Variants in CCDC73 observed in about 807,000 individuals in gnomAD.
CCDC73 encodes the protein coiled-coil domain containing 73, also known as coiled-coil domain-containing protein 73.
Under a neutral mutation model 116.5 loss-of-function variants are expected in CCDC73, and 95 were observed. The observed-to-expected ratio is 0.82, with a 90% CI of 0.69 to 0.97. CCDC73 has a LOEUF of 0.97. Ranked by LOEUF, CCDC73 falls within the 50% of genes least tolerant of loss-of-function variation. The pLI, the probability that CCDC73 is intolerant of heterozygous loss-of-function variation, is 0.00. For missense variants in CCDC73, 1,066 were observed against 1,206.8 expected (o/e 0.88, Z 1.73); for synonymous variants, 398 against 401.3 (o/e 0.99, Z 0.10).
At chr11:32,663,891 G>C (rs531609773) in intron 9 of CCDC73, among the ~76,000 whole-genome samples, 1 of 152,098 alleles carries the variant, frequency 6.6e-6, no homozygotes, top group South Asian at 2.1e-4. Context: ...TAGCATGAAG[G>C]GCTGTTGAAT....
chr11:32,607,085 T>G (rs978826254), intron 17 of CCDC73, among the ~76,000 whole-genome samples: 2 of 33,790 alleles, frequency 5.9e-5, no homozygotes, highest in Admixed American at 2.0e-4. Context: ...AATAAATTTT[T>G]TTTTTTTTTT....
the CCDC73 span, among the ~76,000 whole-genome samples, chr11:32,818,754 A>G: frequency 6.6e-6 from 1 of 152,264 alleles, no homozygotes. Context: ...GATACATGCT[A>G]TAATGCACGT....
chr11:32,636,606 T>C (rs1032839850), intron 13 of CCDC73, among the ~76,000 whole-genome samples: 11 of 152,128 alleles, frequency 7.2e-5, no homozygotes, highest in Admixed American at 2.0e-4. Flanking sequence ...TGAACAATTT[T>C]AAAACTCCTA....
At position 32,614,425 on chromosome 11, in the gene CCDC73, C is replaced by A. The variant is rs374132996; in HGVS notation, c.1893G>T (p.Ser631=). The A allele has an allele frequency of 1.1e-5, 17 of 1,613,218 alleles. No homozygotes were observed. In the Admixed American group the frequency reaches 2.8e-4, roughly 27 times the overall value. The change falls in exon 16 of 18, where the codon TCG becomes TCT. Residue 631 remains serine, a synonymous_variant. Coordinates refer to ENST00000335185, the MANE Select transcript of CCDC73 (RefSeq NM_001008391.4). The part of the protein sequence containing the change: ...NSDQTKADLD[S]SLDIKKNPVP... ...CAGGATTTTTTTTTATATCTAGAGA[C>A]GAGTCCAAATCTGCTTTGGTTTGGT...
intron 2 of CCDC73, among the ~76,000 whole-genome samples, chr11:32,741,570 C>T (rs1387542707): frequency 6.6e-6 from 1 of 151,404 alleles, no homozygotes; most frequent in East Asian, 1.9e-4. Context: ...CTATGTGTGA[C>T]TTTATAGGTG....
At chr11:32,802,341 C>T in the CCDC73 span, among the ~76,000 whole-genome samples, 3 of 152,130 alleles carry the variant, frequency 2.0e-5, no homozygotes, top group African/African-American at 2.4e-5. Flanking sequence ...AATATAAAAA[C>T]ACACCAACCA....
intron 14 of CCDC73, among the ~76,000 whole-genome samples, chr11:32,620,563 A>T (rs574887750): frequency 3.0e-4 from 43 of 144,522 alleles, no homozygotes; most frequent in Middle Eastern, 7.5e-3. Context: ...GTGAGCCAAG[A>T]TCACGCCACT....
intron 3 of CCDC73, among the ~76,000 whole-genome samples, chr11:32,704,142 C>T (rs1250388908): frequency 6.6e-6 from 1 of 152,146 alleles, no homozygotes; most frequent in South Asian, 2.1e-4. Context: ...ACTAAGTTGG[C>T]GGGGCAGGAG....
rs181156627 is a variant in CCDC73 at position 32,793,664 on chromosome 11, G to T, written c.-16+949C>A. 5.3e-3 allele frequency among the ~76,000 whole-genome samples: 808 copies of T among 152,056 alleles called. 3 individuals are homozygous for T. Among genetic ancestry groups the T allele is most frequent in the Non-Finnish European group, 8.5e-3 (580 of 67,984 alleles). ...CTCGCTCTGTTGCCCAGGCTGGAGT[G>T]CAGTGGAGTGATCTAGGCTCACTGC... On this transcript the variant is annotated intron_variant, in intron 1 of 17. Transcript: ENST00000335185.
intron 9 of CCDC73, among the ~76,000 whole-genome samples, chr11:32,662,246 T>A (rs919272932): frequency 6.6e-6 from 1 of 152,232 alleles, no homozygotes; most frequent in Non-Finnish European, 1.5e-5. Context: ...TCTAGATCCT[T>A]AAGGAATCGC....
intron 14 of CCDC73, among the ~76,000 whole-genome samples, chr11:32,628,205 A>G (rs1855594536): frequency 6.6e-6 from 1 of 152,218 alleles, no homozygotes; most frequent in Non-Finnish European, 1.5e-5. Flanking sequence ...GAAAGAGGAA[A>G]AAGTGAGATG....
At chr11:32,815,036 AGAATGGT>A in the CCDC73 span, among the ~76,000 whole-genome samples, 1 of 152,218 alleles carries the variant, frequency 6.6e-6, no homozygotes, top group African/African-American at 2.4e-5. Flanking sequence ...GGAGAGAGAG[AGAATGGT>A]GAATGACTGC....
intron 2 of CCDC73, among the ~76,000 whole-genome samples, chr11:32,745,184 G>T (rs1850224562): frequency 6.6e-6 from 1 of 152,142 alleles, no homozygotes; most frequent in Admixed American, 6.5e-5. Flanking sequence ...TTCAGGAGCA[G>T]GTTGTTCAGT....
Position 32,602,980 on chromosome 11 carries a change from T to A in CCDC73, c.3071A>T (p.His1024Leu), listed in dbSNP as rs1344029324. The A allele has an allele frequency of 6.2e-7, 1 of 1,613,364 alleles. No homozygotes were observed. Among genetic ancestry groups the A allele is most frequent in the Admixed American group, 1.7e-5 (1 of 59,898 alleles). ...TTTAGTCGTCTTGATTGCCTGCAAA[T>A]GGCTTTGTAGTGGAGTTGATATCAG... ...KPLISTPLQS[H>L]LQAIKTTKNT... The change falls in exon 18 of 18, where the codon CAT becomes CTT. Residue 1024 changes from histidine (H) to leucine (L), a missense_variant. Physicochemically the swap from His to Leu is moderately conservative, Grantham distance 99 (BLOSUM62 -3). Transcript: ENST00000335185.
At chr11:32,683,510 G>A (rs1397007411) in intron 7 of CCDC73, 26 bp downstream of exon 7, 2 of 1,451,540 alleles carry the variant, frequency 1.4e-6, no homozygotes, top group Admixed American at 3.4e-5. Context: ...CCAGATGGGG[G>A]AAAATATGTT....
intron 2 of CCDC73, among the ~76,000 whole-genome samples, chr11:32,727,276 A>G (rs1850036409): frequency 6.6e-6 from 1 of 152,192 alleles, no homozygotes; most frequent in African/African-American, 2.4e-5. Flanking sequence ...TTAATCACTT[A>G]GTTAAGGTAG....
At chr11:32,744,181 A>G (rs945912716) in intron 2 of CCDC73, among the ~76,000 whole-genome samples, 2 of 152,062 alleles carry the variant, frequency 1.3e-5, no homozygotes, top group Non-Finnish European at 2.9e-5. Context: ...GGTTTATGTC[A>G]TTTGTTCTGT....
In CCDC73 at chr11:32,641,977, T is replaced by G; in HGVS notation, c.1045A>C (p.Arg349=). 6.7e-7 allele frequency: 1 copy of G among 1,501,238 alleles called. No individual in the cohort carries two copies. The highest frequency in any genetic ancestry group is 8.9e-7 in the Non-Finnish European group (1 of 1,124,462). The allele number at this position is 1,501,238 out of a possible 1,614,324, so 93.0% of individuals were successfully genotyped here. A position where few individuals can be genotyped will look rare whatever the true frequency, so the allele number is the denominator to read the frequency against. ...EHEKALGTWK[R]HAEELNGEIN... is the part of the protein sequence containing the mutation. ...TTTCTATTTAATAAACTTACATGTC[T>G]TTTCCAAGTTCCTAGTGCTTTTTCA... Residue 349 remains arginine, a synonymous_variant, in exon 13 of 18, where the codon AGA becomes CGA. Transcript: ENST00000335185.
At chr11:32,801,743 G>A in the CCDC73 span, among the ~76,000 whole-genome samples, 2 of 151,992 alleles carry the variant, frequency 1.3e-5, no homozygotes, top group African/African-American at 2.4e-5. Flanking sequence ...TACAAAAATC[G>A]GTGGTTCTAT....
Sources: gnomAD v4.1 joint callset for allele counts (sites outside exome capture counted in the v4.1 genomes callset) on GRCh38, gnomAD v4.1.1 for gene constraint, MANE v1.5 for transcripts, NCBI Gene and HGNC (gene_info 2026-07-23, HGNC 2026-07-21) for gene names.